Variants in ARHGAP15 observed in about 807,000 individuals in gnomAD.
ARHGAP15 encodes rho GTPase-activating protein 15.
Under a neutral mutation model 63.7 loss-of-function variants are expected in ARHGAP15, and 51 were observed. The ratio of observed to expected loss-of-function variants is 0.80; its 90% CI spans 0.64 to 1.01. The LOEUF (loss-of-function observed/expected upper bound fraction) is 1.01. ARHGAP15 is among the 50% of genes least tolerant of loss of function. The probability of loss-of-function intolerance (pLI) is 0.00; values close to 1 mark genes in which losing one functional copy is unlikely to be tolerated. For synonymous variants in ARHGAP15, 191 were observed against 193.8 expected (o/e 0.99, Z 0.12); for missense variants, 560 against 564.6 (o/e 0.99, Z 0.08).
intron 6 of ARHGAP15, among the ~76,000 whole-genome samples, chr2:143,429,169 GTT>G (rs1436455175): frequency 6.7e-6 from 1 of 148,908 alleles, no homozygotes; most frequent in African/African-American, 2.5e-5. Context: ...TGAGAAGACT[GTT>G]TCTCAGTACT....
intron 8 of ARHGAP15, among the ~76,000 whole-genome samples, chr2:143,474,849 A>G (rs1342259152): frequency 6.6e-6 from 1 of 152,250 alleles, no homozygotes. Flanking sequence ...AAAGCTTGGC[A>G]ATTTGATTAC....
chr2:143,209,495 A>G (rs981383907), intron 3 of ARHGAP15, among the ~76,000 whole-genome samples: 2 of 152,114 alleles, frequency 1.3e-5, no homozygotes, highest in South Asian at 2.1e-4. Context: ...CTAGGGATGA[A>G]CAGAAGTGTT....
At chr2:143,290,583 A>G (rs1328804420) in intron 6 of ARHGAP15, among the ~76,000 whole-genome samples, 1 of 152,124 alleles carries the variant, frequency 6.6e-6, no homozygotes, top group Non-Finnish European at 1.5e-5. Context: ...TTTTTTTAAC[A>G]TTACACATGA....
chr2:143,551,272 C>T (rs1356029783), intron 10 of ARHGAP15, among the ~76,000 whole-genome samples: 1 of 152,182 alleles, frequency 6.6e-6, no homozygotes, highest in African/African-American at 2.4e-5. Flanking sequence ...CTACCTCAGC[C>T]TCCTGAGTAG....
chr2:143,455,270 A>G (rs1042350349), intron 8 of ARHGAP15, among the ~76,000 whole-genome samples: 6 of 152,120 alleles, frequency 3.9e-5, no homozygotes, highest in African/African-American at 1.2e-4. Context: ...TAAAGGACAT[A>G]CTAAAAGACA....
chr2:143,759,760 G>C (rs1347841681), intron 13 of ARHGAP15, among the ~76,000 whole-genome samples: 1 of 151,914 alleles, frequency 6.6e-6, no homozygotes, highest in Non-Finnish European at 1.5e-5. Context: ...TCCTTAGAGA[G>C]GGCTTCCCTG....
intron 8 of ARHGAP15, among the ~76,000 whole-genome samples, chr2:143,468,305 G>A (rs1691334947): frequency 6.6e-6 from 1 of 151,664 alleles, no homozygotes; most frequent in Non-Finnish European, 1.5e-5. Context: ...GACTTTTAAA[G>A]ATGAACATGT....
In ARHGAP15 at chr2:143,516,504, C is replaced by CT. The variant is rs201641992; in HGVS notation, c.827-2754dup. On this transcript the variant is annotated intron_variant, in intron 9 of 13. Transcript: ENST00000295095. ...TACCTTTTATGACACCTGCTATATT[C>CT]TTTTTTTTGTATATTCTTTGAATAC... 1.6e-3 allele frequency among the ~76,000 whole-genome samples: 228 copies of CT among 141,540 alleles called. 2 individuals are homozygous for CT. In the East Asian group the frequency reaches 0.034, roughly 21 times the overall value. The allele number at this position is 141,540 out of a possible 152,430, so 92.9% of individuals were successfully genotyped here.
chr2:143,194,449 G>C (rs980930261), intron 2 of ARHGAP15, among the ~76,000 whole-genome samples: 1 of 152,122 alleles, frequency 6.6e-6, no homozygotes, highest in Admixed American at 6.5e-5. Flanking sequence ...TAATGTCTTA[G>C]ATCTAATACC....
At chr2:143,365,075 C>CAGTA (rs1365856741) in intron 6 of ARHGAP15, among the ~76,000 whole-genome samples, 1 of 152,106 alleles carries the variant, frequency 6.6e-6, no homozygotes, top group East Asian at 1.9e-4. Flanking sequence ...GAAGGTGGAA[C>CAGTA]AGTAGTCTTA....
chr2:143,606,035 C>CAAAAAAAAA lies in ARHGAP15; in HGVS notation c.1004-18071_1004-18063dup, dbSNP rs869266541. ...TGGGCGCCAGAGCAAGACTCTGTCT[C>CAAAAAAAAA]AAAAAAAAAAAAAAAAAAAAAAAAA... On this transcript the variant is annotated intron_variant, in intron 11 of 13. Transcript: ENST00000295095. 8.3e-3 allele frequency among the ~76,000 whole-genome samples: 189 copies of CAAAAAAAAA among 22,854 alleles called. 33 individuals are homozygous for CAAAAAAAAA. Among genetic ancestry groups the CAAAAAAAAA allele is most frequent in the South Asian group, 0.048 (10 of 208 alleles). The allele number at this position is 22,854 out of a possible 152,430, so 15.0% of individuals were successfully genotyped here.
intron 6 of ARHGAP15, among the ~76,000 whole-genome samples, chr2:143,253,600 T>C (rs898203305): frequency 2.6e-5 from 4 of 152,058 alleles, no homozygotes; most frequent in Non-Finnish European, 5.9e-5. Flanking sequence ...TAAGAATATC[T>C]GCATATTTTA....
rs377057377 is a variant in ARHGAP15 at position 143,458,252 on chromosome 2, C to A, written c.703+21210C>A. ...TGTCATTTGAAAGCACACAAATAAT[C>A]AGTGAGTAAAATTTTCAAATACTCA... is the stretch of plus-strand genomic sequence containing the variant. On this transcript the variant is annotated intron_variant, in intron 8 of 13. Transcript: ENST00000295095. Among the ~76,000 whole-genome samples the A allele has an allele frequency of 3.9e-5, 6 of 152,164 alleles. No individual in the cohort carries two copies. In the South Asian group the frequency reaches 1.2e-3, roughly 32 times the overall value.
chr2:143,207,390 T>C (rs1692372803), intron 3 of ARHGAP15, among the ~76,000 whole-genome samples: 1 of 152,014 alleles, frequency 6.6e-6, no homozygotes, highest in East Asian at 1.9e-4. Context: ...TTTTTAAGTT[T>C]TTTACCTTGC....
At chr2:143,269,674 A>C (rs1304950443) in intron 6 of ARHGAP15, among the ~76,000 whole-genome samples, 1 of 145,046 alleles carries the variant, frequency 6.9e-6, no homozygotes, top group Non-Finnish European at 1.5e-5. Context: ...ATAAGTTATA[A>C]ATGTGTTAGT....
intron 6 of ARHGAP15, among the ~76,000 whole-genome samples, chr2:143,262,948 C>T (rs953452785): frequency 2.0e-5 from 3 of 152,134 alleles, no homozygotes; most frequent in Admixed American, 6.5e-5. Flanking sequence ...GCTACTCTTA[C>T]TCCTACCTTT....
intron 9 of ARHGAP15, among the ~76,000 whole-genome samples, chr2:143,515,784 A>T (rs1214760830): frequency 6.6e-6 from 1 of 152,216 alleles, no homozygotes; most frequent in Non-Finnish European, 1.5e-5. Flanking sequence ...GTAGAAAATC[A>T]ATGGTATCTG....
chr2:143,653,809 C>T (rs544856074), intron 12 of ARHGAP15, among the ~76,000 whole-genome samples: 4 of 152,138 alleles, frequency 2.6e-5, no homozygotes, highest in Non-Finnish European at 5.9e-5. Context: ...AGTGCCAGAA[C>T]AGGGCACAGT....
In ARHGAP15 at chr2:143,731,633, A is replaced by G. The variant is rs549809939; in HGVS notation, c.1244+28109A>G. Among the ~76,000 whole-genome samples the G allele has an allele frequency of 5.3e-5, 8 of 152,290 alleles. No individual in the cohort carries two copies. The East Asian group carries it at 1.5e-3, about 29-fold the overall frequency. On this transcript the variant is annotated intron_variant, in intron 13 of 13. Transcript: ENST00000295095. ...CAGAGATCTGGTCCTAACTGCAGAG[A>G]CTTTTCCATACTTTGAATTCATAGC...
Sources: gnomAD v4.1 joint callset for allele counts (sites outside exome capture counted in the v4.1 genomes callset) on GRCh38, gnomAD v4.1.1 for gene constraint, MANE v1.5 for transcripts, NCBI Gene and HGNC (gene_info 2026-07-23, HGNC 2026-07-21) for gene names.